The following FBN1 variants were observed in gnomAD, a reference collection of about 807,000 sequenced individuals.
FBN1 encodes the protein fibrillin 1, also known as fibrillin-1.
A neutral mutation model predicts 365.1 loss-of-function variants in FBN1; 29 were observed. The ratio of observed to expected loss-of-function variants is 0.08; its 90% CI spans 0.06 to 0.11. FBN1 has a LOEUF of 0.11. Among genes scored for constraint, FBN1 ranks in the 10% least tolerant of loss-of-function variants. FBN1 has a pLI of 1.00. For missense variants in FBN1, 2,476 were observed against 3,703.2 expected (o/e 0.67, Z 8.60); for synonymous variants, 1,210 against 1,270.5 (o/e 0.95, Z 1.01).
intron 6 of FBN1, among the ~76,000 whole-genome samples, chr15:48,589,708 G>T (rs1463983326): frequency 6.8e-6 from 1 of 146,634 alleles, no homozygotes; most frequent in Non-Finnish European, 1.5e-5. Flanking sequence ...CCACCTCCTG[G>T]GTTCACGCCA....
chr15:48,469,122 T>TAA (rs1270965839), intron 36 of FBN1, among the ~76,000 whole-genome samples: 1 of 145,072 alleles, frequency 6.9e-6, no homozygotes, highest in South Asian at 2.1e-4. Flanking sequence ...CATATATATA[T>TAA]AAAATATAAT....
chr15:48,549,664 T>G (rs2044125632), intron 6 of FBN1, among the ~76,000 whole-genome samples: 1 of 152,230 alleles, frequency 6.6e-6, no homozygotes, highest in Non-Finnish European at 1.5e-5. Flanking sequence ...ATCAAATTCT[T>G]AAAAGTGTCC....
chr15:48,640,303 A>G (rs1890175649), intron 2 of FBN1, among the ~76,000 whole-genome samples: 1 of 152,192 alleles, frequency 6.6e-6, no homozygotes, highest in African/African-American at 2.4e-5. Flanking sequence ...CTTCTATTTA[A>G]GAACACTATA....
chr15:48,565,926 A>G (rs992503354), intron 6 of FBN1, among the ~76,000 whole-genome samples: 7 of 152,218 alleles, frequency 4.6e-5, no homozygotes, highest in African/African-American at 1.7e-4. Flanking sequence ...TAAAAATTTA[A>G]TAGAGCAGCT....
At chr15:48,528,489 G>A (rs1021326903) in intron 8 of FBN1, among the ~76,000 whole-genome samples, 2 of 152,126 alleles carry the variant, frequency 1.3e-5, no homozygotes, top group Admixed American at 1.3e-4. Context: ...GCCCAGGTAC[G>A]CCTCTTGCAT....
At chr15:48,611,211 T>G (rs2044653648) in intron 3 of FBN1, among the ~76,000 whole-genome samples, 1 of 152,186 alleles carries the variant, frequency 6.6e-6, no homozygotes, top group African/African-American at 2.4e-5. Flanking sequence ...TTTAATGATA[T>G]AAAAATTACA....
intron 56 of FBN1, 129 bp from the exon 57 acceptor site, chr15:48,428,600 C>A (rs1042878057): frequency 1.0e-6 from 1 of 978,542 alleles, no homozygotes; most frequent in South Asian, 1.4e-5. Context: ...TTCTCCTTTC[C>A]TTCCTCCCTT....
At position 48,623,235 on chromosome 15, in the gene FBN1, G is replaced by A. The variant is rs531008855; in HGVS notation, c.165-10143C>T. ...CCTCAGTGCCAAAAGTAAGCCAGAT[G>A]GAATATGCCACCGACATTAAAATCT... On this transcript the variant is annotated intron_variant, in intron 2 of 65. Coordinates refer to ENST00000316623, the MANE Select transcript of FBN1 (RefSeq NM_000138.5). 3.3e-5 allele frequency among the ~76,000 whole-genome samples: 5 copies of A among 152,288 alleles called. No homozygotes were observed. The South Asian group carries it at 8.3e-4, about 25-fold the overall frequency.
At chr15:48,470,111 T>C (rs1220670611) in intron 36 of FBN1, among the ~76,000 whole-genome samples, 1 of 152,108 alleles carries the variant, frequency 6.6e-6, no homozygotes, top group Non-Finnish European at 1.5e-5. Flanking sequence ...CCTGTAGTTT[T>C]TCTAAGCTTT....
At chr15:48,607,091 G>GCAC (rs2044619109) in intron 4 of FBN1, among the ~76,000 whole-genome samples, 1 of 151,974 alleles carries the variant, frequency 6.6e-6, no homozygotes, top group African/African-American at 2.4e-5. Flanking sequence ...AAGTTATCCA[G>GCAC]TCTGTGGTAT....
chr15:48,430,563 A>T, intron 56 of FBN1, 108 bp downstream of exon 56: 1 of 1,326,976 alleles, frequency 7.5e-7, no homozygotes, highest in Non-Finnish European at 1.1e-6. Context: ...TTAAGAGAAC[A>T]AAATGGGTCT....
intron 12 of FBN1, 72 bp downstream of exon 12, chr15:48,515,315 A>C: frequency 3.8e-6 from 6 of 1,572,032 alleles, no homozygotes; most frequent in Non-Finnish European, 4.4e-6. Context: ...TACAGCAGCA[A>C]TAGAAAACCA....
At chr15:48,435,762 A>ATGTG (rs2043064745) in intron 53 of FBN1, among the ~76,000 whole-genome samples, 1 of 57,878 alleles carries the variant, frequency 1.7e-5, no homozygotes, top group African/African-American at 5.9e-5. Flanking sequence ...GTGTGTATAT[A>ATGTG]TATGTGTATA....
At position 48,513,646 on chromosome 15, in the gene FBN1, G is replaced by T. The variant is rs1364476987; in HGVS notation, c.1491C>A (p.Asn497Lys). Reference sequence around the variant, plus strand: ...TAATACACTCACCACCAGCACAGGGGTTTTTCTCACATTCATCAACATCTG... The same window carrying T: ...TAATACACTCACCACCAGCACAGGGTTTTTTCTCACATTCATCAACATCTG... ...ECIDVDECEKNPCAGGECINN... is the reference protein window; with the variant it reads ...ECIDVDECEKKPCAGGECINN... The change falls in exon 13 of 66, where the codon AAC (asparagine) becomes AAA (lysine). Residue 497 changes from asparagine to lysine, a missense_variant. Physicochemically the swap from Asn to Lys is moderately conservative, Grantham distance 94 (BLOSUM62 0). Coordinates refer to ENST00000316623, the MANE Select transcript of FBN1 (RefSeq NM_000138.5). The T allele has an allele frequency of 9.3e-6, 15 of 1,613,852 alleles. No homozygotes were observed. The highest frequency in any genetic ancestry group is 1.3e-5 in the African/African-American group (1 of 74,888).
At chr15:48,413,055 G>C (rs1015429196) in intron 64 of FBN1, among the ~76,000 whole-genome samples, 1 of 152,224 alleles carries the variant, frequency 6.6e-6, no homozygotes, top group African/African-American at 2.4e-5. Context: ...ACACAGAGTG[G>C]AAACAAGAGA....
intron 53 of FBN1, 126 bp from the exon 54 acceptor site, chr15:48,434,839 C>A (rs144975645): frequency 7.7e-6 from 9 of 1,171,634 alleles, no homozygotes; most frequent in Non-Finnish European, 8.6e-6. Context: ...ACTTTGACAT[C>A]CAGACTGCAG....
chr15:48,606,026 T>C (rs1205802213), intron 4 of FBN1, among the ~76,000 whole-genome samples: 2 of 151,968 alleles, frequency 1.3e-5, no homozygotes, highest in East Asian at 1.9e-4. Flanking sequence ...CAGTAAGAGA[T>C]GACTACACAG....
intron 46 of FBN1, 125 bp downstream of exon 46, chr15:48,448,643 T>C: frequency 1.2e-6 from 1 of 841,012 alleles, no homozygotes. Flanking sequence ...CATATCTGTC[T>C]GTGTTTTTAT....
chr15:48,503,466 T>C (rs1321770763), intron 17 of FBN1, among the ~76,000 whole-genome samples: 1 of 152,252 alleles, frequency 6.6e-6, no homozygotes, highest in Admixed American at 6.5e-5. Context: ...AGTCTGCTTT[T>C]ATAATAGTTT....
Sources: allele counts gnomAD v4.1 joint callset (sites outside exome capture counted in the v4.1 genomes callset), GRCh38; gene constraint gnomAD v4.1.1; transcripts MANE v1.5; gene names NCBI Gene and HGNC (gene_info 2026-07-23, HGNC 2026-07-21).